TCERG1L: variants seen among roughly 807,000 people sequenced by gnomAD.
TCERG1L encodes transcription elongation regulator 1 like.
A neutral mutation model predicts 56.3 loss-of-function variants in TCERG1L; 37 were observed. That is an observed-to-expected ratio of 0.66 (90% CI 0.51 to 0.87). The LOEUF is 0.87. Ranked by LOEUF, TCERG1L falls within the 40% of genes least tolerant of loss-of-function variation. The probability of loss-of-function intolerance (pLI) is 0.00; values close to 1 mark genes in which losing one functional copy is unlikely to be tolerated. For synonymous variants in TCERG1L, 324 were observed against 326.3 expected (o/e 0.99, Z 0.08); for missense variants, 799 against 774.2 (o/e 1.03, Z -0.38).
intron 8 of TCERG1L, among the ~76,000 whole-genome samples, chr10:131,130,949 A>G (rs1845612138): frequency 6.6e-6 from 1 of 152,148 alleles, no homozygotes; most frequent in African/African-American, 2.4e-5. Context: ...ATATGGGGTA[A>G]CTGAATTATA....
intron 4 of TCERG1L, among the ~76,000 whole-genome samples, chr10:131,235,032 C>T (rs1202667324): frequency 1.3e-5 from 2 of 152,152 alleles, no homozygotes; most frequent in Non-Finnish European, 2.9e-5. Context: ...GGGCAGCTGC[C>T]ACATGAGGTG....
intron 8 of TCERG1L, among the ~76,000 whole-genome samples, chr10:131,120,409 C>A (rs528055153): frequency 3.0e-4 from 46 of 152,344 alleles, no homozygotes; most frequent in African/African-American, 9.9e-4. Flanking sequence ...GCTGTGCACA[C>A]CTGCTGTGGG....
chr10:131,201,594 C>A (rs1845435930), intron 4 of TCERG1L, among the ~76,000 whole-genome samples: 1 of 152,182 alleles, frequency 6.6e-6, no homozygotes, highest in South Asian at 2.1e-4. Context: ...TAAATGGCTG[C>A]AAATAAAAAA....
At chr10:131,286,372 GA>G (rs944354758) in intron 3 of TCERG1L, among the ~76,000 whole-genome samples, 24 of 152,216 alleles carry the variant, frequency 1.6e-4, no homozygotes, top group African/African-American at 5.3e-4. Flanking sequence ...TAATATCATG[GA>G]AAATCTATAT....
chr10:131,290,424 G>T (rs1426304667), intron 3 of TCERG1L, among the ~76,000 whole-genome samples: 5 of 152,110 alleles, frequency 3.3e-5, no homozygotes, highest in Non-Finnish European at 7.3e-5. Flanking sequence ...CTGAGGCTGG[G>T]AATTCGAGAC....
intron 4 of TCERG1L, among the ~76,000 whole-genome samples, chr10:131,258,117 C>T (rs1473957298): frequency 6.6e-6 from 1 of 152,056 alleles, no homozygotes; most frequent in East Asian, 1.9e-4. Flanking sequence ...ATAGCTCATC[C>T]TTGTCCTGCC....
intron 6 of TCERG1L, chr10:131,162,102 A>C (rs1190382478): frequency 6.6e-6 from 1 of 152,304 alleles, no homozygotes; most frequent in Non-Finnish European, 1.5e-5. Context: ...TGTCTAAAGC[A>C]GGGCAGCCAG....
At chr10:131,310,733 G>A (rs1038660079) in intron 1 of TCERG1L, among the ~76,000 whole-genome samples, 1 of 152,204 alleles carries the variant, frequency 6.6e-6, no homozygotes, top group African/African-American at 2.4e-5. Context: ...GGAATCTCCG[G>A]TAACATCCCT....
intron 6 of TCERG1L, among the ~76,000 whole-genome samples, chr10:131,157,336 T>C (rs551002276): frequency 6.6e-5 from 10 of 152,332 alleles, no homozygotes; most frequent in East Asian, 3.9e-4. Flanking sequence ...ATATTTAATA[T>C]ATATTTTTTA....
chr10:131,268,408 C>T (rs568713812), intron 3 of TCERG1L, among the ~76,000 whole-genome samples: 30 of 152,300 alleles, frequency 2.0e-4, no homozygotes, highest in Non-Finnish European at 3.8e-4. Flanking sequence ...GATTTAGCAT[C>T]GTTCTTGAGG....
intron 3 of TCERG1L, among the ~76,000 whole-genome samples, chr10:131,261,350 C>T (rs949484528): frequency 6.6e-6 from 1 of 152,188 alleles, no homozygotes; most frequent in African/African-American, 2.4e-5. Context: ...GTTTCTAAAA[C>T]CTTGATATAA....
chr10:131,176,447 TAC>T (rs1846151435), intron 4 of TCERG1L, among the ~76,000 whole-genome samples: 1 of 21,834 alleles, frequency 4.6e-5, no homozygotes, highest in Non-Finnish European at 1.0e-4. Context: ...GAGATACGTG[TAC>T]ACACACCAAG....
chr10:131,264,367 C>T lies in TCERG1L; in HGVS notation c.671-3923G>A, dbSNP rs568977634. ...GAAGGGGCTGTCGAAGACCACCCAC[C>T]CACAGGAAGGAAAGGTTGGATCTCT... is the stretch of plus-strand genomic sequence containing the variant. On this transcript the variant is annotated intron_variant, in intron 3 of 11. Transcript: ENST00000368642. Among the ~76,000 whole-genome samples the T allele has an allele frequency of 2.6e-4, 39 of 152,296 alleles. No homozygotes were observed. In the East Asian group the frequency reaches 7.5e-3, roughly 29 times the overall value.
chr10:131,250,668 G>A (rs1302977058), intron 4 of TCERG1L, among the ~76,000 whole-genome samples: 4 of 152,138 alleles, frequency 2.6e-5, no homozygotes, highest in Non-Finnish European at 5.9e-5. Context: ...GTGCCTGCCC[G>A]GGGCCTGCCC....
chr10:131,183,200 C>G (rs1845199411), intron 4 of TCERG1L, among the ~76,000 whole-genome samples: 1 of 152,154 alleles, frequency 6.6e-6, no homozygotes, highest in Non-Finnish European at 1.5e-5. Flanking sequence ...GCACTACCCA[C>G]CATAGGGGCT....
intron 4 of TCERG1L, among the ~76,000 whole-genome samples, chr10:131,173,752 G>A (rs1846116669): frequency 6.6e-6 from 1 of 152,244 alleles, no homozygotes; most frequent in South Asian, 2.1e-4. Flanking sequence ...GCTGGGAGCA[G>A]AGAGGCACGG....
chr10:131,174,433 G>A (rs12245313), intron 4 of TCERG1L, among the ~76,000 whole-genome samples: 16,733 of 152,122 alleles, frequency 0.11, 1,774 homozygotes, highest in African/African-American at 0.28. Flanking sequence ...GCTGCTGTGC[G>A]GTTGGAGAGG....
intron 8 of TCERG1L, among the ~76,000 whole-genome samples, chr10:131,129,678 T>C (rs980571226): frequency 6.6e-6 from 1 of 152,200 alleles, no homozygotes; most frequent in Non-Finnish European, 1.5e-5. Context: ...CTGTTTGTCT[T>C]TGATGGAAAT....
chr10:131,140,649 G>A (rs1003347981), intron 7 of TCERG1L, among the ~76,000 whole-genome samples: 14 of 152,230 alleles, frequency 9.2e-5, no homozygotes, highest in African/African-American at 3.4e-4. Flanking sequence ...GGGTCCTCCT[G>A]CACGGGCCAA....
Sources: gnomAD v4.1 joint callset for allele counts (sites outside exome capture counted in the v4.1 genomes callset) on GRCh38, gnomAD v4.1.1 for gene constraint, MANE v1.5 for transcripts, NCBI Gene and HGNC (gene_info 2026-07-23, HGNC 2026-07-21) for gene names.